TRIM52: variants seen among roughly 807,000 people sequenced by gnomAD.
TRIM52 encodes E3 ubiquitin-protein ligase TRIM52.
Under a neutral mutation model 27.0 loss-of-function variants are expected in TRIM52, and 24 were observed. The ratio of observed to expected loss-of-function variants is 0.89; its 90% CI spans 0.64 to 1.25. TRIM52 has a LOEUF of 1.25. Among genes scored for constraint, TRIM52 ranks in the 50% most tolerant of loss-of-function variants. TRIM52 has a pLI of 0.00. For synonymous variants in TRIM52, 125 were observed against 126.5 expected, an observed-to-expected ratio of 0.99 and a Z score of 0.08; for missense variants, 351 against 354.7, an observed-to-expected ratio of 0.99 and a Z score of 0.08.
chr5:181,251,326 A>T (rs1759629592), downstream of TRIM52, among the ~76,000 whole-genome samples: 5 of 151,960 alleles, frequency 3.3e-5, no homozygotes, highest in Admixed American at 3.3e-4. Context: ...CGAGAAAGCT[A>T]GGAAGGCCTA....
chr5:181,251,451 T>C (rs1345588925), downstream of TRIM52, among the ~76,000 whole-genome samples: 2 of 152,020 alleles, frequency 1.3e-5, no homozygotes, highest in Admixed American at 6.6e-5. Flanking sequence ...AAAACAACAA[T>C]AACAACAACA....
chr5:181,257,547 A>G, intron 1 of TRIM52: 1 of 1,442,416 alleles, frequency 6.9e-7, no homozygotes, highest in Non-Finnish European at 9.6e-7. Context: ...TATATGAAAG[A>G]TAATGTATAC....
At chr5:181,257,511 G>A (rs773643224) in intron 1 of TRIM52, 7 of 1,602,298 alleles carry the variant, frequency 4.4e-6, no homozygotes, top group Admixed American at 1.7e-5. Context: ...TATGAAAAAT[G>A]AAGTTTTTTT....
intron 1 of TRIM52, chr5:181,257,103 G>C: frequency 9.6e-7 from 1 of 1,045,266 alleles, no homozygotes; most frequent in Non-Finnish European, 1.2e-6. Flanking sequence ...TTATACACCC[G>C]TCTGCTTCCT....
At chr5:181,258,251 A>G (rs1387109038) in intron 1 of TRIM52, 4 of 152,050 alleles carry the variant, frequency 2.6e-5, no homozygotes, top group Non-Finnish European at 5.9e-5. Context: ...TTAGCTGGGC[A>G]TGGTGGCATG....
downstream of TRIM52, chr5:181,254,838 T>C (rs1007430921): frequency 2.0e-5 from 3 of 152,226 alleles, no homozygotes; most frequent in Non-Finnish European, 4.4e-5. Context: ...CTTAAGTGTA[T>C]TGGAAGGCTA....
chr5:181,257,287 T>C (rs531114823), intron 1 of TRIM52: 1 of 1,303,796 alleles, frequency 7.7e-7, no homozygotes, highest in Admixed American at 3.7e-5. Flanking sequence ...TTACAGAAAA[T>C]CAAATTTTAA....
intron 1 of TRIM52, chr5:181,259,758 A>C: frequency 2.6e-6 from 2 of 755,600 alleles, no homozygotes; most frequent in Non-Finnish European, 4.1e-6. Context: ...GTCCGCTTCC[A>C]GTGACCGTCA....
At chr5:181,256,968 T>C in intron 1 of TRIM52, 109 bp from the exon 2 acceptor site, 1 of 986,748 alleles carries the variant, frequency 1.0e-6, no homozygotes, top group Non-Finnish European at 1.2e-6. Context: ...GTACTGATGA[T>C]GGAAGCATCT....
chr5:181,259,486 C>T lies in TRIM52; in HGVS notation c.813+515G>A, dbSNP rs540549717. The T allele has an allele frequency of 3.7e-3, 518 of 141,388 alleles. 3 individuals carry two copies. Among genetic ancestry groups the T allele is most frequent in the African/African-American group, 0.034 (491 of 14,534 alleles). The allele number at this position is 141,388 out of a possible 1,614,324, so 8.8% of individuals were successfully genotyped here. ...CTGAAGGTAGAGATGCAATCCCAGA[C>T]TTTCAGAGGGGGGGTGTGGCCAATT... On this transcript the variant is annotated intron_variant, in intron 1 of 1. Coordinates refer to ENST00000688015, the MANE Select transcript of TRIM52 (RefSeq NM_001346048.2).
Position 181,260,874 on chromosome 5 carries a change from T to G in TRIM52, c.-61A>C, listed in dbSNP as rs1413012428. 2.0e-6 allele frequency: 3 copies of G among 1,516,890 alleles called. No individual in the cohort carries two copies. Among genetic ancestry groups the G allele is most frequent in the African/African-American group, 2.8e-5 (2 of 72,078 alleles). 94.0% of individuals were successfully genotyped at this position (1,516,890 alleles called of 1,614,324 possible). ...TGGAGCTGAGGAGCGGGGACGCGCC[T>G]GCAGGCCTGCCTCCAAACTACTCTG... On this transcript the variant is annotated 5_prime_UTR_variant, in exon 1 of 2. Coordinates refer to ENST00000688015, the MANE Select transcript of TRIM52 (RefSeq NM_001346048.2). The surrounding 1 kb of genome is among the most constrained non-coding windows in gnomAD (Gnocchi z 4.4).
rs1760038820 is a variant in TRIM52, at chr5:181,260,892, C to T, written c.-79G>A. 1 of 1,496,150 alleles carries T rather than the reference C, an allele frequency of 6.7e-7. No individual in the cohort carries two copies. Among genetic ancestry groups the T allele is most frequent in the East Asian group, 2.4e-5 (1 of 42,232 alleles). The allele number at this position is 1,496,150 out of a possible 1,614,324, so 92.7% of individuals were successfully genotyped here. A position where few individuals can be genotyped will look rare whatever the true frequency, so the allele number is the denominator to read the frequency against. Reference sequence around the variant, plus strand: ...ACGCGCCTGCAGGCCTGCCTCCAAACTACTCTGGTGACCCGAGGCTGTCCT... The same window carrying T: ...ACGCGCCTGCAGGCCTGCCTCCAAATTACTCTGGTGACCCGAGGCTGTCCT... On this transcript the variant is annotated 5_prime_UTR_variant, in exon 1 of 2. Transcript: ENST00000688015. This position sits in a 1 kb window ranked among gnomAD's most constrained non-coding sequence, Gnocchi z 4.4.
At chr5:181,254,033 G>A (rs1759694585), downstream of TRIM52, among the ~76,000 whole-genome samples, 1 of 141,716 alleles carries the variant, frequency 7.1e-6, no homozygotes, top group South Asian at 2.3e-4. Flanking sequence ...GCTCACGCCT[G>A]TAATCCCAGC....
rs1478699887 is a variant in TRIM52, at chr5:181,260,715, G to C, written c.99C>G (p.Ile33Met). ...CTCGGCAGAAGTTGTGCCCACAGCT[G>C]ATGGACACGGGGTCCTTGAAGTAAT... is the stretch of plus-strand genomic sequence containing the variant. The part of the protein sequence containing the change: ...CLDYFKDPVS[I>M]SCGHNFCRGC... The change falls in exon 1 of 2, where the codon ATC (isoleucine) becomes ATG (methionine). Residue 33 changes from isoleucine to methionine, a missense_variant. By Grantham distance (10) the Ile-to-Met change is conservative. Transcript: ENST00000688015. This position sits in a 1 kb window ranked among gnomAD's most constrained non-coding sequence, Gnocchi z 4.4. The C allele has an allele frequency of 6.2e-7, 1 of 1,613,992 alleles. No homozygotes were observed. The highest frequency in any genetic ancestry group is 8.5e-7 in the Non-Finnish European group (1 of 1,180,016).
downstream of TRIM52, among the ~76,000 whole-genome samples, chr5:181,249,697 A>G (rs2113230234): frequency 6.6e-6 from 1 of 152,122 alleles, no homozygotes; most frequent in Admixed American, 6.5e-5. Flanking sequence ...AAAAAAATTA[A>G]GCACAAAAAG....
At chr5:181,249,915 T>C (rs1342377127), downstream of TRIM52, among the ~76,000 whole-genome samples, 1 of 151,074 alleles carries the variant, frequency 6.6e-6, no homozygotes, top group Non-Finnish European at 1.5e-5. Context: ...ACAGCACCCT[T>C]CGCCTCCTGG....
rs567693343 is a variant in TRIM52, at chr5:181,256,370, G to A, written c.*439C>T. The A allele has an allele frequency of 6.9e-6, 1 of 145,440 alleles. No individual in the cohort carries two copies. The highest frequency in any genetic ancestry group is 2.7e-5 in the African/African-American group (1 of 36,686). 9.0% of individuals were successfully genotyped at this position (145,440 alleles called of 1,614,324 possible). ...AACCAACAGCAATAAAAGATGAGCC[G>A]ATTTTTTTTTTTTTTTGAGATGGAG... On this transcript the variant is annotated 3_prime_UTR_variant, in exon 2 of 2. Coordinates refer to ENST00000688015, the MANE Select transcript of TRIM52 (RefSeq NM_001346048.2).
At chr5:181,259,446 G>A (rs1759932678) in intron 1 of TRIM52, 1 of 169,758 alleles carries the variant, frequency 5.9e-6, no homozygotes, top group East Asian at 1.6e-4. Flanking sequence ...TTCTCTAGAA[G>A]GAAAACGGAC....
chr5:181,260,817 A>C lies in TRIM52; in HGVS notation c.-4T>G. 1.3e-6 allele frequency: 2 copies of C among 1,575,584 alleles called. No individual in the cohort carries two copies. Among genetic ancestry groups the C allele is most frequent in the Middle Eastern group, 3.4e-4 (2 of 5,888 alleles). ...GAGTAGTGGCATAACCAGCCATCTT[A>C]ATGCCCGCCGGCAGGTGTAGATACG... On this transcript the variant is annotated 5_prime_UTR_variant, in exon 1 of 2. In the 5' UTR this introduces an upstream ATG that the reference lacks. Transcript: ENST00000688015. The surrounding 1 kb of genome is among the most constrained non-coding windows in gnomAD (Gnocchi z 4.4).
Sources: gnomAD v4.1 joint callset for allele counts (sites outside exome capture counted in the v4.1 genomes callset) on GRCh38, gnomAD v4.1.1 for gene constraint, Gnocchi (gnomAD v3.1) non-coding constraint, MANE v1.5 for transcripts, NCBI Gene and HGNC (gene_info 2026-07-23, HGNC 2026-07-21) for gene names.